Variants in KCNT2 observed in about 807,000 individuals in gnomAD.
KCNT2 encodes potassium sodium-activated channel subfamily T member 2.
Under a neutral mutation model 153.8 loss-of-function variants are expected in KCNT2, and 67 were observed. The observed-to-expected ratio is 0.44, with a 90% CI of 0.36 to 0.53. KCNT2 has a LOEUF of 0.53. KCNT2 is among the 20% of genes least tolerant of loss of function. KCNT2 has a pLI of 0.00. For synonymous variants in KCNT2, 500 were observed against 458.8 expected (o/e 1.09, Z -1.15); for missense variants, 975 against 1,354.8 (o/e 0.72, Z 4.40).
intron 8 of KCNT2, among the ~76,000 whole-genome samples, chr1:196,463,747 C>T (rs770650855): frequency 2.0e-5 from 3 of 151,640 alleles, no homozygotes; most frequent in Non-Finnish European, 4.4e-5. Flanking sequence ...AATGCTGCAT[C>T]CTTTCGCATA....
intron 5 of KCNT2, 79 bp downstream of exon 5, chr1:196,479,100 G>A (rs1005911364): frequency 1.3e-5 from 12 of 940,164 alleles, no homozygotes; most frequent in East Asian, 2.7e-5. Flanking sequence ...CTTCCAGTGC[G>A]AACTATAAAT....
chr1:196,603,857 A>G (rs1665016915), intron 1 of KCNT2, among the ~76,000 whole-genome samples: 1 of 152,220 alleles, frequency 6.6e-6, no homozygotes, highest in Non-Finnish European at 1.5e-5. Context: ...AAAGTTTAAA[A>G]TTACTAAATC....
chr1:196,437,962 A>C (rs762654577), intron 8 of KCNT2, among the ~76,000 whole-genome samples: 1 of 151,498 alleles, frequency 6.6e-6, no homozygotes, highest in Non-Finnish European at 1.5e-5. Context: ...TACTATTACT[A>C]ATAATATCAT....
chr1:196,329,640 A>G (rs1572057400), intron 18 of KCNT2, among the ~76,000 whole-genome samples: 2 of 151,464 alleles, frequency 1.3e-5, no homozygotes, highest in East Asian at 1.9e-4. Flanking sequence ...ATTATAAATA[A>G]TATTAGTCTT....
chr1:196,251,100 G>A (rs1168235074), intron 26 of KCNT2, among the ~76,000 whole-genome samples: 1 of 152,068 alleles, frequency 6.6e-6, no homozygotes, highest in East Asian at 1.9e-4. Flanking sequence ...ACTACCATAT[G>A]ATCCAGCATT....
intron 1 of KCNT2, among the ~76,000 whole-genome samples, chr1:196,507,060 TTTA>T (rs1175677109): frequency 6.6e-6 from 1 of 152,080 alleles, no homozygotes; most frequent in African/African-American, 2.4e-5. Flanking sequence ...TTTCTATAAT[TTTA>T]TTAGAAAATG....
intron 13 of KCNT2, among the ~76,000 whole-genome samples, chr1:196,386,919 C>T (rs1302415177): frequency 2.0e-5 from 3 of 151,914 alleles, no homozygotes; most frequent in Non-Finnish European, 4.4e-5. Context: ...AATACATATT[C>T]ATAAATTTAT....
At chr1:196,355,574 T>C (rs1667107607) in intron 14 of KCNT2, among the ~76,000 whole-genome samples, 1 of 151,776 alleles carries the variant, frequency 6.6e-6, no homozygotes, top group South Asian at 2.1e-4. Context: ...ATTTTAAAAG[T>C]TGATTGTACA....
chr1:196,516,031 C>T (rs1682022452), intron 1 of KCNT2, among the ~76,000 whole-genome samples: 1 of 152,130 alleles, frequency 6.6e-6, no homozygotes, highest in African/African-American at 2.4e-5. Context: ...CCCAGACTTC[C>T]CAGCAAAGGC....
intron 25 of KCNT2, among the ~76,000 whole-genome samples, chr1:196,263,769 C>G (rs995279845): frequency 4.6e-5 from 7 of 152,294 alleles, no homozygotes; most frequent in African/African-American, 1.7e-4. Context: ...CGAAGCACCT[C>G]TTTCTCCATC....
At chr1:196,579,146 A>T (rs1661717749) in intron 1 of KCNT2, among the ~76,000 whole-genome samples, 1 of 152,094 alleles carries the variant, frequency 6.6e-6, no homozygotes, top group Non-Finnish European at 1.5e-5. Flanking sequence ...GTACAATGAC[A>T]TGTTATCCAT....
intron 12 of KCNT2, among the ~76,000 whole-genome samples, chr1:196,410,845 C>T (rs897517892): frequency 6.6e-6 from 1 of 151,704 alleles, no homozygotes; most frequent in African/African-American, 2.4e-5. Context: ...AAGTTAAAGT[C>T]TTTAAGCTGA....
chr1:196,298,494 C>T (rs1021549503), intron 22 of KCNT2, among the ~76,000 whole-genome samples: 4 of 152,164 alleles, frequency 2.6e-5, no homozygotes, highest in Admixed American at 1.3e-4. Flanking sequence ...CTTAAAGGGT[C>T]TCCCAATCAC....
intron 25 of KCNT2, among the ~76,000 whole-genome samples, chr1:196,261,019 ATGTG>A (rs1018654506): frequency 6.6e-6 from 1 of 151,528 alleles, no homozygotes; most frequent in African/African-American, 2.4e-5. Flanking sequence ...TGGATATTGA[ATGTG>A]TGTGTGTGTT....
rs547803824 is a variant in KCNT2, at chr1:196,597,804, A to G, written c.95+10411T>C. Among the ~76,000 whole-genome samples, 81 of 152,300 alleles carry G rather than the reference A, an allele frequency of 5.3e-4. 1 individual carries two copies. The highest frequency in any genetic ancestry group is 1.9e-3 in the African/African-American group (78 of 41,564). On this transcript the variant is annotated intron_variant, in intron 1 of 27. Transcript: ENST00000294725. Reference sequence around the variant, plus strand: ...CTTTCTGTTTACTCTATGCTATTGCATGAATTTCTGTGAACCACTGCAAAT... The same window carrying G: ...CTTTCTGTTTACTCTATGCTATTGCGTGAATTTCTGTGAACCACTGCAAAT...
At chr1:196,381,073 T>C (rs1398686741) in intron 13 of KCNT2, among the ~76,000 whole-genome samples, 1 of 152,188 alleles carries the variant, frequency 6.6e-6, no homozygotes, top group Non-Finnish European at 1.5e-5. Context: ...CAATTTGAGA[T>C]TTGCAATTTT....
At chr1:196,553,641 C>T (rs1339955) in intron 1 of KCNT2, among the ~76,000 whole-genome samples, 150,942 of 151,314 alleles carry the variant, frequency 1, 75,286 homozygotes, top group Middle Eastern at 1. Flanking sequence ...CAAATGAACA[C>T]AATAGATATT....
chr1:196,300,090 G>T (rs1276896639), intron 22 of KCNT2, among the ~76,000 whole-genome samples: 1 of 152,156 alleles, frequency 6.6e-6, no homozygotes, highest in African/African-American at 2.4e-5. Flanking sequence ...TCTCAAACTT[G>T]TATAGGCATG....
At chr1:196,451,239 TTTTTC>T (rs1266810441) in intron 8 of KCNT2, among the ~76,000 whole-genome samples, 19 of 140,374 alleles carry the variant, frequency 1.4e-4, no homozygotes, top group African/African-American at 5.0e-4. Context: ...TTTTTTTTTT[TTTTTC>T]CTTTTTCTTT....
Sources: allele counts gnomAD v4.1 joint callset (sites outside exome capture counted in the v4.1 genomes callset), GRCh38; gene constraint gnomAD v4.1.1; transcripts MANE v1.5; gene names NCBI Gene and HGNC (gene_info 2026-07-23, HGNC 2026-07-21).